BIN2: variants seen among roughly 807,000 people sequenced by gnomAD.
The protein encoded by BIN2 is breast cancer associated protein BRAP1.
BIN2 carries 43 observed loss-of-function variants against 67.9 expected under a neutral mutation model. The ratio of observed to expected loss-of-function variants is 0.63; its 90% confidence interval spans 0.50 to 0.82. The LOEUF is 0.82. Among genes scored for constraint, BIN2 ranks in the 40% least tolerant of loss-of-function variants. The pLI, the probability that BIN2 is intolerant of heterozygous loss-of-function variation, is 0.00. For missense variants in BIN2, 581 were observed against 671.6 expected, an observed-to-expected ratio of 0.87 and a Z score of 1.49; for synonymous variants, 244 against 246.8, an observed-to-expected ratio of 0.99 and a Z score of 0.11.
At chr12:51,324,237 C>T (rs1256211840), upstream of BIN2, 2 of 1,451,846 alleles carry the variant, frequency 1.4e-6, no homozygotes, top group East Asian at 2.6e-5. Flanking sequence ...CGCCCCTGGC[C>T]AGCCCTGAGG....
chr12:51,311,555 T>A (rs1592276533), intron 2 of BIN2, among the ~76,000 whole-genome samples: 1 of 151,520 alleles, frequency 6.6e-6, no homozygotes, highest in African/African-American at 2.4e-5. Context: ...AATTTTTGTA[T>A]TTTTTTGTAG....
intron 8 of BIN2, among the ~76,000 whole-genome samples, chr12:51,296,496 C>CAA (rs200414380): frequency 9.0e-6 from 1 of 111,498 alleles, no homozygotes. Flanking sequence ...GACTCCGTCT[C>CAA]AAAAAAAAAA....
At chr12:51,293,934 G>A (rs4762011) in intron 9 of BIN2, among the ~76,000 whole-genome samples, 119,690 of 152,132 alleles carry the variant, frequency 0.79, 48,215 homozygotes, top group South Asian at 0.89. Context: ...ATCTCATTAA[G>A]GGTCAAGAAG....
intron 1 of BIN2, among the ~76,000 whole-genome samples, chr12:51,314,947 G>A (rs1946084256): frequency 6.7e-6 from 1 of 150,066 alleles, no homozygotes; most frequent in African/African-American, 2.5e-5. Flanking sequence ...CAACCTCTCT[G>A]GGCTCAAGCA....
At chr12:51,309,915 T>C (rs1239469924) in intron 2 of BIN2, among the ~76,000 whole-genome samples, 2 of 152,202 alleles carry the variant, frequency 1.3e-5, no homozygotes, top group African/African-American at 4.8e-5. Context: ...CAGTGGGTGT[T>C]AACTTACTGA....
chr12:51,324,503 G>A (rs1481577107), upstream of BIN2: 1 of 1,531,020 alleles, frequency 6.5e-7, no homozygotes, highest in Non-Finnish European at 8.7e-7. Context: ...CACTCAGCGA[G>A]AGGACCTACC....
chr12:51,298,245 G>T (rs1455230648), intron 7 of BIN2, among the ~76,000 whole-genome samples: 1 of 152,188 alleles, frequency 6.6e-6, no homozygotes. Context: ...AGTGGCACGC[G>T]CCTGTAGTCC....
chr12:51,294,789 G>A (rs933644511), intron 9 of BIN2, among the ~76,000 whole-genome samples: 20 of 152,080 alleles, frequency 1.3e-4, no homozygotes, highest in African/African-American at 4.6e-4. Context: ...ACCTTTAGTG[G>A]GGTCAGAAAG....
At chr12:51,315,176 T>TA (rs1053015275) in intron 1 of BIN2, among the ~76,000 whole-genome samples, 43 of 114,402 alleles carry the variant, frequency 3.8e-4, no homozygotes, top group African/African-American at 1.3e-3. Flanking sequence ...TTATTATTAT[T>TA]TTTTTTTTTT....
rs1946357759 is a variant in BIN2 at position 51,323,903 on chromosome 12, T to C, written c.81+119A>G. 4.1e-6 allele frequency: 5 copies of C among 1,212,504 alleles called. 1 individual carries two copies. The South Asian group carries it at 7.9e-5, about 19-fold the overall frequency. The allele number at this position is 1,212,504 out of a possible 1,614,324, so 75.1% of individuals were successfully genotyped here. A position where few individuals can be genotyped will look rare whatever the true frequency, so the allele number is the denominator to read the frequency against. On this transcript the variant is annotated intron_variant, in intron 1 of 12. Coordinates refer to ENST00000615107, the MANE Select transcript of BIN2 (RefSeq NM_016293.4). ...TCCCTGGGAGAGCGGGAGACCCTTC[T>C]CGTCAGCCCAGACCCTTCGGGGCCC...
At chr12:51,287,662 TTC>T in intron 11 of BIN2, among the ~76,000 whole-genome samples, 1 of 151,418 alleles carries the variant, frequency 6.6e-6, no homozygotes, top group Admixed American at 6.6e-5. Flanking sequence ...TTTTTTTTTT[TTC>T]TTTTTGAGAC....
At chr12:51,312,878 T>C (rs920093621) in intron 2 of BIN2, among the ~76,000 whole-genome samples, 3 of 152,186 alleles carry the variant, frequency 2.0e-5, no homozygotes, top group Non-Finnish European at 2.9e-5. Context: ...TGATAGCTAA[T>C]AACCCATTAA....
chr12:51,298,199 C>A (rs1028755991), intron 7 of BIN2, among the ~76,000 whole-genome samples: 4 of 152,142 alleles, frequency 2.6e-5, no homozygotes, highest in African/African-American at 9.7e-5. Context: ...TGGTGAAACC[C>A]CATCTCTACT....
At position 51,323,466 on chromosome 12, in the gene BIN2, A is replaced by G. The variant is rs764023492; in HGVS notation, c.81+556T>C. On this transcript the variant is annotated intron_variant, in intron 1 of 12. Coordinates refer to ENST00000615107, the MANE Select transcript of BIN2 (RefSeq NM_016293.4). ...CCCAACGCCAAAGGGAGGGTAGAAGAAGCAGATTTGGGCTCCTGCTTACGT... is the reference window on the plus strand; with the variant it reads ...CCCAACGCCAAAGGGAGGGTAGAAGGAGCAGATTTGGGCTCCTGCTTACGT... 1.6e-4 allele frequency among the ~76,000 whole-genome samples: 24 copies of G among 149,712 alleles called. 1 individual carries two copies. Among genetic ancestry groups the G allele is most frequent in the African/African-American group, 5.9e-4 (23 of 39,192 alleles).
intron 12 of BIN2, among the ~76,000 whole-genome samples, chr12:51,283,866 T>C (rs1391735707): frequency 6.6e-6 from 1 of 151,510 alleles, no homozygotes; most frequent in African/African-American, 2.4e-5. Flanking sequence ...TGGTGGCGCA[T>C]GCCTGTAATC....
intron 9 of BIN2, among the ~76,000 whole-genome samples, chr12:51,295,590 A>T (rs1238514371): frequency 5.6e-5 from 1 of 17,730 alleles, no homozygotes; most frequent in Non-Finnish European, 1.1e-4. Flanking sequence ...ATATATATAT[A>T]TATATATATA....
intron 3 of BIN2, 30 bp from the exon 4 acceptor site, chr12:51,302,810 A>G: frequency 6.4e-7 from 1 of 1,563,376 alleles, no homozygotes; most frequent in Non-Finnish European, 8.8e-7. Flanking sequence ...TCCCACCATC[A>G]TGTTTCCCCA....
At position 51,281,476 on chromosome 12, in the gene BIN2, G is replaced by A. The variant is rs1390956915; in HGVS notation, c.*23C>T. 1.2e-6 allele frequency: 2 copies of A among 1,612,610 alleles called. No homozygotes were observed. Among genetic ancestry groups the A allele is most frequent in the Middle Eastern group, 1.7e-4 (1 of 6,060 alleles). ...AGCTTCTCTGGCGAGGTTTGGGGCA[G>A]GAGGAGTCTTGGTAGTTTCTCTTCA... is the stretch of plus-strand genomic sequence containing the variant. On this transcript the variant is annotated 3_prime_UTR_variant, in exon 13 of 13. Coordinates refer to ENST00000615107, the MANE Select transcript of BIN2 (RefSeq NM_016293.4).
At chr12:51,299,125 C>A in intron 7 of BIN2, 78 bp downstream of exon 7, 6 of 1,011,480 alleles carry the variant, frequency 5.9e-6, no homozygotes, top group Non-Finnish European at 9.0e-6. Context: ...ATCTAAAACA[C>A]TTTTATCTAC....
Sources: allele counts gnomAD v4.1 joint callset (sites outside exome capture counted in the v4.1 genomes callset), GRCh38; gene constraint gnomAD v4.1.1; transcripts MANE v1.5; gene names NCBI Gene and HGNC (gene_info 2026-07-23, HGNC 2026-07-21).